The following PKN2 variants were observed in gnomAD, a reference collection of about 807,000 sequenced individuals.
The protein encoded by PKN2 is serine/threonine-protein kinase N2.
PKN2 carries 38 observed loss-of-function variants against 119.1 expected under a neutral mutation model. The ratio of observed to expected loss-of-function variants is 0.32; its 90% CI spans 0.25 to 0.42. The LOEUF is 0.42. PKN2 is among the 10% of genes least tolerant of loss of function. The pLI is 1.00. For synonymous variants in PKN2, 390 were observed against 384.9 expected, an observed-to-expected ratio of 1.01 and a Z score of -0.15; for missense variants, 850 against 1,165.1, an observed-to-expected ratio of 0.73 and a Z score of 3.94.
chr1:88,751,196 G>T (rs1391473712), intron 2 of PKN2, among the ~76,000 whole-genome samples: 1 of 151,924 alleles, frequency 6.6e-6, no homozygotes, highest in Non-Finnish European at 1.5e-5. Flanking sequence ...GCACGTGTGT[G>T]TGTGTAGATT....
intron 8 of PKN2, among the ~76,000 whole-genome samples, chr1:88,795,220 GTC>G (rs1425672892): frequency 6.6e-6 from 1 of 152,118 alleles, no homozygotes; most frequent in Non-Finnish European, 1.5e-5. Flanking sequence ...AGAGAACGAA[GTC>G]TCTCTCTTTC....
rs1048925205 is a variant in PKN2 at position 88,741,202 on chromosome 1, A to C, written c.263A>C (p.Lys88Thr). The change falls in exon 2 of 22, where the codon AAA becomes ACA. Residue 88 changes from lysine to threonine, a missense_variant. Physicochemically the swap from Lys to Thr is moderately conservative, Grantham distance 78. This residue lies in a region of PKN2 where 350 missense variants were observed against 511.1 expected (regional missense o/e 0.68). Coordinates refer to ENST00000370521, the MANE Select transcript of PKN2 (RefSeq NM_006256.4). Reference sequence around the variant, plus strand: ...GCTTATGTAGACAACATTTTGAAAAAATCAAATAAAAAATTAGAAGAACTA... The same window carrying C: ...GCTTATGTAGACAACATTTTGAAAACATCAAATAAAAAATTAGAAGAACTA... ...SLAYVDNILK[K>T]SNKKLEELHH... 2.5e-6 allele frequency: 4 copies of C among 1,602,360 alleles called. No individual in the cohort carries two copies. The highest frequency in any genetic ancestry group is 8.5e-7 in the Non-Finnish European group (1 of 1,176,452).
Position 88,741,280 on chromosome 1 carries a change from A to C in PKN2, c.341A>C (p.Asp114Ala). Residue 114 changes from aspartate to alanine, a missense_variant, in exon 2 of 22, where the codon GAT becomes GCT. By Grantham distance (126) the Asp-to-Ala change is moderately radical. This residue lies in a region of PKN2 where 350 missense variants were observed against 511.1 expected (regional missense o/e 0.68). Coordinates refer to ENST00000370521, the MANE Select transcript of PKN2 (RefSeq NM_006256.4). Reference sequence around the variant, plus strand: ...CATATTGTTGTATCAGATCCAGAAGATATTACAGGTATAGTAGTGCTTTAT... The same window carrying C: ...CATATTGTTGTATCAGATCCAGAAGCTATTACAGGTATAGTAGTGCTTTAT... ...NAHIVVSDPE[D>A]ITDCPRTPDT... is the part of the protein sequence containing the mutation. 6.4e-7 allele frequency: 1 copy of C among 1,565,472 alleles called. No individual in the cohort carries two copies. The highest frequency in any genetic ancestry group is 2.2e-5 in the East Asian group (1 of 44,518).
chr1:88,722,481 G>T (rs1318072650), intron 1 of PKN2, among the ~76,000 whole-genome samples: 2 of 152,068 alleles, frequency 1.3e-5, no homozygotes, highest in Non-Finnish European at 2.9e-5. Flanking sequence ...GGATATGAGG[G>T]ATTGCTATTT....
At chr1:88,758,038 C>CAAAAAAAAAAAAAAA (rs33914457) in intron 2 of PKN2, among the ~76,000 whole-genome samples, 2 of 59,070 alleles carry the variant, frequency 3.4e-5, no homozygotes, top group Admixed American at 2.4e-4. Context: ...GAGACTATCT[C>CAAAAAAAAAAAAAAA]AAAAAAAAAA....
chr1:88,713,690 A>G lies in PKN2; in HGVS notation c.49-27298A>G, dbSNP rs536723500. 7.2e-5 allele frequency among the ~76,000 whole-genome samples: 11 copies of G among 152,218 alleles called. No individual in the cohort carries two copies. The South Asian group carries it at 2.3e-3, about 32-fold the overall frequency. ...ATTCTGGATATTAGCCCTTTGTCGG[A>G]TGAATAGATTGCAAAAATTTTCTCC... On this transcript the variant is annotated intron_variant, in intron 1 of 21. Coordinates refer to ENST00000370521, the MANE Select transcript of PKN2 (RefSeq NM_006256.4).
In PKN2 at chr1:88,791,000, T is replaced by C. The variant is rs529010444; in HGVS notation, c.1281+4787T>C. Reference sequence around the variant, plus strand: ...TAATACCATCTCTTAAAACTGAGAATATCAGTTTTAAATTTTCTTCTTGAA... The same window carrying C: ...TAATACCATCTCTTAAAACTGAGAACATCAGTTTTAAATTTTCTTCTTGAA... On this transcript the variant is annotated intron_variant, in intron 8 of 21. Transcript: ENST00000370521. 5.9e-5 allele frequency among the ~76,000 whole-genome samples: 9 copies of C among 152,330 alleles called. No individual in the cohort carries two copies. In the East Asian group the frequency reaches 1.5e-3, roughly 26 times the overall value.
intron 18 of PKN2, among the ~76,000 whole-genome samples, chr1:88,825,170 T>C (rs970562026): frequency 7.9e-5 from 12 of 152,232 alleles, no homozygotes; most frequent in African/African-American, 2.4e-4. Flanking sequence ...TCTGTAGATA[T>C]ATGCCCATCA....
chr1:88,761,947 G>C (rs1371521440), intron 3 of PKN2, among the ~76,000 whole-genome samples: 1 of 151,800 alleles, frequency 6.6e-6, no homozygotes, highest in African/African-American at 2.4e-5. Context: ...TTTGTTCCTG[G>C]AACTGCGATT....
intron 12 of PKN2, 107 bp from the exon 13 acceptor site, chr1:88,807,206 C>T (rs1671581339): frequency 1.1e-6 from 1 of 902,644 alleles, no homozygotes; most frequent in Non-Finnish European, 1.6e-6. Context: ...ACTTTTCACT[C>T]CAACATTTAT....
At chr1:88,757,230 T>C (rs1206835195) in intron 2 of PKN2, among the ~76,000 whole-genome samples, 5 of 152,208 alleles carry the variant, frequency 3.3e-5, no homozygotes, top group Non-Finnish European at 7.3e-5. Context: ...CAAAAGGTTA[T>C]TTTAAGGATT....
At chr1:88,753,414 GT>G (rs1669079035) in intron 2 of PKN2, among the ~76,000 whole-genome samples, 1 of 151,916 alleles carries the variant, frequency 6.6e-6, no homozygotes, top group Non-Finnish European at 1.5e-5. Context: ...GTCTGATAAT[GT>G]TTTTATTTTG....
Position 88,833,746 on chromosome 1 carries a change from G to T in PKN2, c.*298G>T. The T allele has an allele frequency of 7.5e-6, 2 of 266,368 alleles. No individual in the cohort carries two copies. Among genetic ancestry groups the T allele is most frequent in the Non-Finnish European group, 1.4e-5 (2 of 141,874 alleles). The allele number at this position is 266,368 out of a possible 1,614,324, so 16.5% of individuals were successfully genotyped here. A position where few individuals can be genotyped will look rare whatever the true frequency, so the allele number is the denominator to read the frequency against. The stretch of plus-strand genomic sequence containing the variant: ...TGGATCAATAGTCTATTTTTAAAAA[G>T]AAAGAAAAAAACCACTTTTTTATAG... On this transcript the variant is annotated 3_prime_UTR_variant, in exon 22 of 22. Coordinates refer to ENST00000370521, the MANE Select transcript of PKN2 (RefSeq NM_006256.4).
chr1:88,716,860 T>C (rs1667477479), intron 1 of PKN2, among the ~76,000 whole-genome samples: 1 of 152,208 alleles, frequency 6.6e-6, no homozygotes, highest in South Asian at 2.1e-4. Flanking sequence ...GTCATTTTGC[T>C]CATTAGTTGA....
At chr1:88,796,778 C>T (rs1470058496) in intron 8 of PKN2, among the ~76,000 whole-genome samples, 2 of 152,156 alleles carry the variant, frequency 1.3e-5, no homozygotes, top group Admixed American at 1.3e-4. Context: ...TTTCCGTCTT[C>T]CAAAGCAAAA....
chr1:88,718,425 G>T (rs1291024465), intron 1 of PKN2, among the ~76,000 whole-genome samples: 1 of 152,126 alleles, frequency 6.6e-6, no homozygotes, highest in Non-Finnish European at 1.5e-5. Context: ...CCAGAGGTGG[G>T]GTCTACAGAG....
chr1:88,833,041 G>T (rs1221222640), intron 20 of PKN2, 36 bp from the exon 21 acceptor site: 2 of 1,531,112 alleles, frequency 1.3e-6, no homozygotes, highest in Non-Finnish European at 1.8e-6. Flanking sequence ...TATTCTATTG[G>T]TTTTATTTTA....
chr1:88,812,260 G>A (rs971923606), intron 15 of PKN2, among the ~76,000 whole-genome samples: 1 of 152,126 alleles, frequency 6.6e-6, no homozygotes, highest in Non-Finnish European at 1.5e-5. Flanking sequence ...CATCATTATT[G>A]TAATTCAGAT....
intron 1 of PKN2, among the ~76,000 whole-genome samples, chr1:88,691,719 T>C (rs1666340906): frequency 1.3e-5 from 2 of 152,202 alleles, no homozygotes; most frequent in African/African-American, 2.4e-5. Flanking sequence ...CTCTTCCTTA[T>C]ATAGTAGTCC....
Sources: allele counts gnomAD v4.1 joint callset (sites outside exome capture counted in the v4.1 genomes callset), GRCh38; gene constraint gnomAD v4.1.1; regional missense constraint gnomAD v4.1.1; transcripts MANE v1.5; gene names NCBI Gene and HGNC (gene_info 2026-07-23, HGNC 2026-07-21).